Variants in TAFA2 observed in about 807,000 individuals in gnomAD.
TAFA2 encodes chemokine-like protein TAFA-2.
In TAFA2, 7 loss-of-function variants were observed where a neutral mutation model predicts 18.8. That is an observed-to-expected ratio of 0.37 (90% CI 0.21 to 0.70). The LOEUF (loss-of-function observed/expected upper bound fraction) is 0.70. TAFA2 is among the 30% of genes least tolerant of loss of function. The pLI is 0.53. For synonymous variants in TAFA2, 60 were observed against 54.2 expected (o/e 1.11, Z -0.47); for missense variants, 122 against 158.1 (o/e 0.77, Z 1.23).
At chr12:61,998,997 G>A (rs1333641883) in intron 1 of TAFA2, among the ~76,000 whole-genome samples, 1 of 152,156 alleles carries the variant, frequency 6.6e-6, no homozygotes, top group African/African-American at 2.4e-5. Flanking sequence ...ACAATATAGG[G>A]CATCTTGCCA....
intron 2 of TAFA2, among the ~76,000 whole-genome samples, chr12:61,768,702 C>T (rs1022535877): frequency 6.6e-6 from 1 of 152,064 alleles, no homozygotes. Flanking sequence ...GAAGGCATTC[C>T]TGATTTTGTC....
chr12:61,805,035 A>T (rs1221049948), intron 2 of TAFA2, among the ~76,000 whole-genome samples: 1 of 152,036 alleles, frequency 6.6e-6, no homozygotes, highest in Admixed American at 6.6e-5. Flanking sequence ...GCTTAAAACC[A>T]TAATTAGTAT....
At chr12:61,734,684 G>A (rs1216315539) in intron 4 of TAFA2, among the ~76,000 whole-genome samples, 3 of 151,896 alleles carry the variant, frequency 2.0e-5, no homozygotes, top group Non-Finnish European at 4.4e-5. Flanking sequence ...TCATGACTTG[G>A]AGGCTATATA....
intron 1 of TAFA2, among the ~76,000 whole-genome samples, chr12:61,979,475 A>T (rs532063812): frequency 3.3e-5 from 5 of 152,290 alleles, no homozygotes; most frequent in Admixed American, 3.3e-4. Flanking sequence ...CAGTTCATCT[A>T]CTGCACCATC....
At chr12:61,915,131 A>G (rs1246406313) in intron 1 of TAFA2, among the ~76,000 whole-genome samples, 1 of 152,188 alleles carries the variant, frequency 6.6e-6, no homozygotes, top group African/African-American at 2.4e-5. Flanking sequence ...ACTGCTCTCC[A>G]GCCCGGGCAA....
chr12:61,749,912 C>T (rs1868927928), intron 4 of TAFA2, among the ~76,000 whole-genome samples: 1 of 151,924 alleles, frequency 6.6e-6, no homozygotes, highest in Non-Finnish European at 1.5e-5. Flanking sequence ...GGTGTCCATA[C>T]CATTAGGCAA....
At chr12:62,080,858 GC>G (rs1868309286) in intron 1 of TAFA2, among the ~76,000 whole-genome samples, 1 of 149,468 alleles carries the variant, frequency 6.7e-6, no homozygotes, top group Non-Finnish European at 1.5e-5. Context: ...TTAAAAAGTA[GC>G]CTCCTAAACC....
intron 1 of TAFA2, among the ~76,000 whole-genome samples, chr12:62,125,258 T>C (rs11174334): frequency 0.23 from 35,129 of 151,928 alleles, 4,377 homozygotes; most frequent in East Asian, 0.37. Context: ...CCCTTAGAAA[T>C]ATCCAGGGAC....
rs1491122388 is a variant in TAFA2, at chr12:62,165,942, C to CACAG, written c.-2+25316_-2+25317insCTGT. Among the ~76,000 whole-genome samples the CACAG allele has an allele frequency of 1.5e-4, 7 of 46,440 alleles. 1 individual carries two copies. The East Asian group carries it at 2.1e-3, about 14-fold the overall frequency. 30.5% of individuals were successfully genotyped at this position (46,440 alleles called of 152,430 possible). On this transcript the variant is annotated intron_variant, in intron 1 of 4. Coordinates refer to ENST00000416284, the MANE Select transcript of TAFA2 (RefSeq NM_178539.5). ...TTCCTCTCTCTCTCTCTCTCTCTCACACACACACACACACACACACACACA... is the reference window on the plus strand; with the variant it reads ...TTCCTCTCTCTCTCTCTCTCTCTCACACAGACACACACACACACACACACACACA...
At chr12:61,723,216 A>ATTAT (rs1869987787) in intron 4 of TAFA2, among the ~76,000 whole-genome samples, 1 of 152,192 alleles carries the variant, frequency 6.6e-6, no homozygotes, top group South Asian at 2.1e-4. Context: ...ATTTCATCAT[A>ATTAT]TTATGATTAT....
At chr12:61,770,310 A>T (rs12370254) in intron 2 of TAFA2, among the ~76,000 whole-genome samples, 1 of 152,008 alleles carries the variant, frequency 6.6e-6, no homozygotes, top group African/African-American at 2.4e-5. Flanking sequence ...TGGAAAACAT[A>T]TTTGAGAAAA....
At chr12:62,179,030 AC>A (rs2136949181) in intron 1 of TAFA2, among the ~76,000 whole-genome samples, 1 of 152,318 alleles carries the variant, frequency 6.6e-6, no homozygotes, top group African/African-American at 2.4e-5. Flanking sequence ...CAGCCATTTT[AC>A]AATATCAAAA....
At chr12:61,740,341 G>C (rs748577269) in intron 4 of TAFA2, among the ~76,000 whole-genome samples, 2 of 152,010 alleles carry the variant, frequency 1.3e-5, no homozygotes, top group Non-Finnish European at 2.9e-5. Flanking sequence ...TCAGAGTTGG[G>C]AGGCAAGGGG....
intron 1 of TAFA2, among the ~76,000 whole-genome samples, chr12:62,210,184 T>TAAATAAATAAATAA (rs1260122366): frequency 1.1e-5 from 1 of 93,560 alleles, no homozygotes; most frequent in Non-Finnish European, 2.3e-5. Flanking sequence ...AGACTCTGTC[T>TAAATAAATAAATAA]CTAAATAAAT....
chr12:62,086,513 G>A (rs777723067), intron 1 of TAFA2, among the ~76,000 whole-genome samples: 2 of 152,064 alleles, frequency 1.3e-5, no homozygotes, highest in Admixed American at 6.6e-5. Flanking sequence ...TTCAAAGAAT[G>A]TATACAAATG....
At chr12:61,840,547 A>T (rs1378120454) in intron 2 of TAFA2, among the ~76,000 whole-genome samples, 1 of 152,112 alleles carries the variant, frequency 6.6e-6, no homozygotes, top group Non-Finnish European at 1.5e-5. Flanking sequence ...CAGAGAATAG[A>T]CAATATGCCA....
chr12:61,941,656 A>C (rs1316433449), intron 1 of TAFA2, among the ~76,000 whole-genome samples: 2 of 152,220 alleles, frequency 1.3e-5, no homozygotes, highest in Non-Finnish European at 2.9e-5. Context: ...GCAAGGGGTC[A>C]GGGAGTTCCC....
Position 61,784,168 on chromosome 12 carries a change from A to G in TAFA2, c.107-29144T>C, listed in dbSNP as rs145072561. 2.2e-3 allele frequency among the ~76,000 whole-genome samples: 329 copies of G among 151,730 alleles called. 1 individual carries two copies. Among genetic ancestry groups the G allele is most frequent in the African/African-American group, 7.0e-3 (292 of 41,476 alleles). ...TATAATCTAATTATTTTGGATAGTT[A>G]GAAATAAGACCCCTCTTTACAAAAA... On this transcript the variant is annotated intron_variant, in intron 2 of 4. Coordinates refer to ENST00000416284, the MANE Select transcript of TAFA2 (RefSeq NM_178539.5).
chr12:61,931,165 G>A (rs1877538950), intron 1 of TAFA2, among the ~76,000 whole-genome samples: 1 of 152,134 alleles, frequency 6.6e-6, no homozygotes. Context: ...TGATTAAAGT[G>A]TATTACCTGC....
Sources: gnomAD v4.1 joint callset for allele counts (sites outside exome capture counted in the v4.1 genomes callset) on GRCh38, gnomAD v4.1.1 for gene constraint, MANE v1.5 for transcripts, NCBI Gene and HGNC (gene_info 2026-07-23, HGNC 2026-07-21) for gene names.